The following KIAA1549L variants were observed in gnomAD, a reference collection of about 807,000 sequenced individuals.
KIAA1549L encodes UPF0606 protein KIAA1549L.
In KIAA1549L, 88 loss-of-function variants were observed where a neutral mutation model predicts 160.7. The ratio of observed to expected loss-of-function variants is 0.55; its 90% CI spans 0.46 to 0.65. The LOEUF (loss-of-function observed/expected upper bound fraction) is 0.65. Among genes scored for constraint, KIAA1549L ranks in the 30% least tolerant of loss-of-function variants. The probability of loss-of-function intolerance (pLI) is 0.00; values close to 1 mark genes in which losing one functional copy is unlikely to be tolerated. For synonymous variants in KIAA1549L, 950 were observed against 976.7 expected (o/e 0.97, Z 0.51); for missense variants, 2,258 against 2,437.5 (o/e 0.93, Z 1.55).
intron 10 of KIAA1549L, among the ~76,000 whole-genome samples, chr11:33,582,070 GA>G (rs1403089445): frequency 1.3e-5 from 2 of 152,142 alleles, no homozygotes; most frequent in Non-Finnish European, 2.9e-5. Context: ...GTTAATGACA[GA>G]ATACTCACAT....
intron 1 of KIAA1549L, among the ~76,000 whole-genome samples, chr11:33,381,456 C>T (rs539645906): frequency 3.3e-5 from 5 of 152,138 alleles, no homozygotes; most frequent in East Asian, 1.9e-4. Context: ...ATTGTGCTTG[C>T]GTTGTTTGAG....
chr11:33,547,039 A>G (rs1476133041), intron 3 of KIAA1549L, among the ~76,000 whole-genome samples: 1 of 152,258 alleles, frequency 6.6e-6, no homozygotes, highest in African/African-American at 2.4e-5. Context: ...TGGAAAGAAC[A>G]CTGTGGCTAA....
At chr11:33,461,657 T>TA (rs937940164) in intron 1 of KIAA1549L, among the ~76,000 whole-genome samples, 3 of 152,174 alleles carry the variant, frequency 2.0e-5, no homozygotes, top group African/African-American at 4.8e-5. Context: ...ATCATCTGGT[T>TA]AAAAAAATCT....
At chr11:33,641,604 A>G (rs1354001905) in intron 16 of KIAA1549L, among the ~76,000 whole-genome samples, 2 of 29,946 alleles carry the variant, frequency 6.7e-5, no homozygotes, top group Non-Finnish European at 5.4e-5. Flanking sequence ...ATATATATAT[A>G]TATATATATA....
chr11:33,591,961 G>T (rs189212859), intron 12 of KIAA1549L, among the ~76,000 whole-genome samples: 1 of 152,332 alleles, frequency 6.6e-6, no homozygotes, highest in Non-Finnish European at 1.5e-5. Flanking sequence ...ACTGGAGACT[G>T]CAGGGCTGTA....
chr11:33,607,114 C>T (rs1045966196), intron 14 of KIAA1549L, among the ~76,000 whole-genome samples: 1 of 152,158 alleles, frequency 6.6e-6, no homozygotes, highest in Admixed American at 6.5e-5. Context: ...CCCCGACCCC[C>T]TCACACACAC....
At chr11:33,426,158 A>G (rs1050927845) in intron 1 of KIAA1549L, among the ~76,000 whole-genome samples, 1 of 152,180 alleles carries the variant, frequency 6.6e-6, no homozygotes, top group Non-Finnish European at 1.5e-5. Context: ...TATCAGTGTT[A>G]TATTCTTGGT....
Position 33,393,394 on chromosome 11 carries a change from C to T in KIAA1549L, c.238+16505C>T, listed in dbSNP as rs141994360. Among the ~76,000 whole-genome samples, 702 of 152,274 alleles carry T rather than the reference C, an allele frequency of 4.6e-3. 1 individual carries two copies. Among genetic ancestry groups the T allele is most frequent in the African/African-American group, 0.016 (671 of 41,554 alleles). ...GGGCCATCCTTGAGGTCTCCTGGCC[C>T]GTCTCCTTCATCAGACTGTGAACTC... On this transcript the variant is annotated intron_variant, in intron 1 of 20. Coordinates refer to ENST00000658780, the MANE Select transcript of KIAA1549L (RefSeq NM_012194.3).
chr11:33,398,950 G>GTTTTTTTTTTTTTTTTT (rs71034680), intron 1 of KIAA1549L, among the ~76,000 whole-genome samples: 1 of 140,014 alleles, frequency 7.1e-6, no homozygotes. Context: ...TCCAGTGAGT[G>GTTTTTTTTTTTTTTTTT]TTTTTTTTTT....
chr11:33,580,244 G>A (rs1855588634), intron 10 of KIAA1549L, among the ~76,000 whole-genome samples: 1 of 152,150 alleles, frequency 6.6e-6, no homozygotes, highest in African/African-American at 2.4e-5. Context: ...AGCAGGAAGT[G>A]GTTTGCTTTA....
intron 1 of KIAA1549L, among the ~76,000 whole-genome samples, chr11:33,392,065 T>C (rs1207126501): frequency 6.6e-6 from 1 of 152,194 alleles, no homozygotes; most frequent in African/African-American, 2.4e-5. Context: ...CCCATTTTGC[T>C]TGGAGGAAGT....
intron 16 of KIAA1549L, among the ~76,000 whole-genome samples, chr11:33,634,987 C>G (rs1324334838): frequency 1.3e-5 from 2 of 152,030 alleles, no homozygotes; most frequent in African/African-American, 4.8e-5. Context: ...AGAAAAGTGA[C>G]CAAGCCATTA....
intron 1 of KIAA1549L, among the ~76,000 whole-genome samples, chr11:33,534,947 G>A (rs577869628): frequency 1.3e-5 from 2 of 152,270 alleles, no homozygotes; most frequent in South Asian, 2.1e-4. Context: ...CACAAGCTTT[G>A]TGGCTTAAAA....
chr11:33,496,766 G>A (rs1481946487), intron 1 of KIAA1549L, among the ~76,000 whole-genome samples: 1 of 152,116 alleles, frequency 6.6e-6, no homozygotes, highest in African/African-American at 2.4e-5. Context: ...GTGTAGCACT[G>A]CCTCTAAAAG....
intron 1 of KIAA1549L, among the ~76,000 whole-genome samples, chr11:33,528,111 G>A (rs568565888): frequency 6.6e-6 from 1 of 152,306 alleles, no homozygotes; most frequent in East Asian, 1.9e-4. Context: ...CCCCAGCCAT[G>A]TGGAACTGTG....
At chr11:33,511,380 T>A (rs560637738) in intron 1 of KIAA1549L, among the ~76,000 whole-genome samples, 1 of 152,206 alleles carries the variant, frequency 6.6e-6, no homozygotes, top group Non-Finnish European at 1.5e-5. Flanking sequence ...GATACTGATA[T>A]CTTACTCAGG....
At chr11:33,500,534 C>T (rs1852923846) in intron 1 of KIAA1549L, among the ~76,000 whole-genome samples, 1 of 152,156 alleles carries the variant, frequency 6.6e-6, no homozygotes, top group African/African-American at 2.4e-5. Flanking sequence ...TGAACAACTG[C>T]ATTCCTCATA....
chr11:33,605,794 C>T (rs1459311962), intron 13 of KIAA1549L, among the ~76,000 whole-genome samples: 1 of 152,196 alleles, frequency 6.6e-6, no homozygotes, highest in Admixed American at 6.5e-5. Context: ...TATCTCTTGC[C>T]TAGCCATGCT....
chr11:33,384,942 T>C (rs926301426), intron 1 of KIAA1549L, among the ~76,000 whole-genome samples: 2 of 148,656 alleles, frequency 1.3e-5, no homozygotes, highest in South Asian at 2.1e-4. Flanking sequence ...TTTTTGTTTT[T>C]TGTTTTTTTT....
Sources: allele counts gnomAD v4.1 joint callset (sites outside exome capture counted in the v4.1 genomes callset), GRCh38; gene constraint gnomAD v4.1.1; transcripts MANE v1.5; gene names NCBI Gene and HGNC (gene_info 2026-07-23, HGNC 2026-07-21).